Variants in PCDH9 observed in about 807,000 individuals in gnomAD.
PCDH9 encodes the protein protocadherin-9.
Under a neutral mutation model 70.6 loss-of-function variants are expected in PCDH9, and 24 were observed. The observed-to-expected ratio is 0.34, with a 90% CI of 0.25 to 0.48. PCDH9 has a LOEUF of 0.48. Ranked by LOEUF, PCDH9 falls within the 20% of genes least tolerant of loss-of-function variation. PCDH9 has a pLI of 0.99. For missense variants in PCDH9, 1,281 were observed against 1,503.6 expected, an observed-to-expected ratio of 0.85 and a Z score of 2.45; for synonymous variants, 562 against 558.5, an observed-to-expected ratio of 1.01 and a Z score of -0.09.
chr13:66,634,912 T>G (rs2077617782), intron 3 of PCDH9, among the ~76,000 whole-genome samples: 1 of 152,076 alleles, frequency 6.6e-6, no homozygotes, highest in Admixed American at 6.6e-5. Flanking sequence ...GTGACGCAGC[T>G]CTTAGTGTGG....
chr13:66,964,490 CT>C (rs2083399977), intron 2 of PCDH9, among the ~76,000 whole-genome samples: 1 of 151,990 alleles, frequency 6.6e-6, no homozygotes, highest in Non-Finnish European at 1.5e-5. Flanking sequence ...TCTACATTAG[CT>C]TTTTCACTTC....
intron 4 of PCDH9, among the ~76,000 whole-genome samples, chr13:66,343,927 T>C (rs908175084): frequency 7.2e-5 from 11 of 152,162 alleles, no homozygotes; most frequent in Non-Finnish European, 1.3e-4. Context: ...TTTTGCCTAA[T>C]ATATTGTTCA....
intron 2 of PCDH9, chr13:67,213,292 G>T (rs1286261444): frequency 7.2e-6 from 1 of 138,342 alleles, no homozygotes; most frequent in African/African-American, 2.7e-5. Context: ...TAAAATGGTA[G>T]CCTTTTGAAT....
chr13:66,551,481 A>C (rs1961487617), intron 4 of PCDH9, among the ~76,000 whole-genome samples: 1 of 152,198 alleles, frequency 6.6e-6, no homozygotes, highest in Non-Finnish European at 1.5e-5. Context: ...ACAGGAAATG[A>C]AAGAGTTCTA....
intron 4 of PCDH9, among the ~76,000 whole-genome samples, chr13:66,601,929 T>C (rs193190781): frequency 1.4e-5 from 2 of 146,346 alleles, no homozygotes; most frequent in Non-Finnish European, 3.1e-5. Context: ...TACTTGATAA[T>C]GATAATAAAT....
At chr13:67,006,197 A>T (rs1191211051) in intron 2 of PCDH9, among the ~76,000 whole-genome samples, 1 of 152,206 alleles carries the variant, frequency 6.6e-6, no homozygotes, top group Non-Finnish European at 1.5e-5. Context: ...ACTGCACTCC[A>T]GCCTGGGCGA....
chr13:66,468,804 C>CT (rs1186427496), intron 4 of PCDH9, among the ~76,000 whole-genome samples: 1 of 151,980 alleles, frequency 6.6e-6, no homozygotes, highest in Non-Finnish European at 1.5e-5. Flanking sequence ...GTGAGTATAT[C>CT]TTTTTTATAG....
At chr13:66,899,865 C>T (rs2082248973) in intron 3 of PCDH9, among the ~76,000 whole-genome samples, 1 of 151,916 alleles carries the variant, frequency 6.6e-6, no homozygotes, top group African/African-American at 2.4e-5. Flanking sequence ...TTAAATTCCA[C>T]ACCATTTTTA....
At chr13:67,058,320 C>G (rs1175098718) in intron 2 of PCDH9, among the ~76,000 whole-genome samples, 1 of 152,138 alleles carries the variant, frequency 6.6e-6, no homozygotes, top group Non-Finnish European at 1.5e-5. Context: ...AAACCAGTGT[C>G]TTAGCTTCTC....
chr13:66,500,273 T>C (rs1466997618), intron 4 of PCDH9, among the ~76,000 whole-genome samples: 4 of 152,168 alleles, frequency 2.6e-5, no homozygotes, highest in African/African-American at 9.6e-5. Context: ...ATTTCACTTC[T>C]GGGTACATAT....
rs1006116397 is a variant in PCDH9, at chr13:67,225,078, C to T, written c.3036+327G>A. On this transcript the variant is annotated intron_variant, in intron 2 of 4. Transcript: ENST00000377865. Reference sequence around the variant, plus strand: ...CTTGAAGCAGTCAATTTGGAAACCCCCAGGAGCAGAATTTGGCATATCAGG... The same window carrying T: ...CTTGAAGCAGTCAATTTGGAAACCCTCAGGAGCAGAATTTGGCATATCAGG... The T allele has an allele frequency of 5.1e-6, 6 of 1,168,820 alleles. No homozygotes were observed. The Admixed American group carries it at 1.7e-4, about 34-fold the overall frequency. 72.4% of individuals were successfully genotyped at this position (1,168,820 alleles called of 1,614,324 possible).
intron 3 of PCDH9, among the ~76,000 whole-genome samples, chr13:66,756,594 G>T (rs1335750442): frequency 6.6e-6 from 1 of 152,044 alleles, no homozygotes; most frequent in African/African-American, 2.4e-5. Context: ...GCATGCCATG[G>T]GAGCTGCAAA....
intron 4 of PCDH9, among the ~76,000 whole-genome samples, chr13:66,487,520 G>T (rs1958964306): frequency 1.3e-5 from 2 of 151,906 alleles, no homozygotes; most frequent in Non-Finnish European, 2.9e-5. Context: ...TATTGATATT[G>T]TAACAACTCT....
At chr13:66,689,039 G>A (rs897355462) in intron 3 of PCDH9, among the ~76,000 whole-genome samples, 5 of 152,074 alleles carry the variant, frequency 3.3e-5, no homozygotes, top group African/African-American at 1.2e-4. Context: ...GTGTTATCAA[G>A]CACAGAAATT....
chr13:66,574,024 A>T (rs2076775669), intron 4 of PCDH9, among the ~76,000 whole-genome samples: 1 of 152,110 alleles, frequency 6.6e-6, no homozygotes, highest in Admixed American at 6.6e-5. Flanking sequence ...ATCATTTTGG[A>T]CGAAATCACC....
intron 2 of PCDH9, among the ~76,000 whole-genome samples, chr13:66,910,412 G>C (rs181544506): frequency 2.0e-5 from 3 of 152,180 alleles, no homozygotes; most frequent in Admixed American, 6.5e-5. Context: ...GTTGTTGCAA[G>C]TGGGTCACTT....
rs116786899 is a variant in PCDH9, at chr13:66,851,564, C to A, written c.3138+51940G>T. Among the ~76,000 whole-genome samples the A allele has an allele frequency of 8.6e-3, 1,202 of 139,808 alleles. 12 individuals carry two copies. Among genetic ancestry groups the A allele is most frequent in the African/African-American group, 0.03 (1,121 of 37,368 alleles). 91.7% of individuals were successfully genotyped at this position (139,808 alleles called of 152,430 possible). A position where few individuals can be genotyped will look rare whatever the true frequency, so the allele number is the denominator to read the frequency against. On this transcript the variant is annotated intron_variant, in intron 3 of 4. Transcript: ENST00000377865. ...TGCCTGAGTTCTATGTAACACCCAC[C>A]CGCATCACCCTCACACACACACACA... is the stretch of plus-strand genomic sequence containing the variant.
intron 3 of PCDH9, among the ~76,000 whole-genome samples, chr13:66,889,269 G>T (rs1471304322): frequency 6.6e-6 from 1 of 152,188 alleles, no homozygotes; most frequent in Non-Finnish European, 1.5e-5. Context: ...AGCAGTTATA[G>T]AATTTATTGG....
At chr13:66,707,494 G>C (rs1031926206) in intron 3 of PCDH9, among the ~76,000 whole-genome samples, 1 of 152,194 alleles carries the variant, frequency 6.6e-6, no homozygotes, top group African/African-American at 2.4e-5. Context: ...TGCACTTACA[G>C]AGAAATGCTC....
Sources: gnomAD v4.1 joint callset for allele counts (sites outside exome capture counted in the v4.1 genomes callset) on GRCh38, gnomAD v4.1.1 for gene constraint, MANE v1.5 for transcripts, NCBI Gene and HGNC (gene_info 2026-07-23, HGNC 2026-07-21) for gene names.